The following BBS9 variants were observed in gnomAD, a reference collection of about 807,000 sequenced individuals.
The protein encoded by BBS9 is Bardet-Biedl syndrome 9, also known as protein PTHB1.
BBS9 carries 89 observed loss-of-function variants against 117.7 expected under a neutral mutation model. The ratio of observed to expected loss-of-function variants is 0.76; its 90% confidence interval spans 0.64 to 0.90. The LOEUF (loss-of-function observed/expected upper bound fraction) is 0.90. Ranked by LOEUF, BBS9 falls within the 40% of genes least tolerant of loss-of-function variation. The pLI is 0.00. For missense variants in BBS9, 982 were observed against 1,042.2 expected, an observed-to-expected ratio of 0.94 and a Z score of 0.80; for synonymous variants, 379 against 370.9, an observed-to-expected ratio of 1.02 and a Z score of -0.25.
intron 1 of BBS9, among the ~76,000 whole-genome samples, chr7:33,140,425 T>A (rs1195521216): frequency 6.6e-6 from 1 of 152,192 alleles, no homozygotes; most frequent in East Asian, 1.9e-4. Context: ...CTTTCCTGAT[T>A]ATGCTTTTCA....
intron 15 of BBS9, among the ~76,000 whole-genome samples, chr7:33,356,237 T>G (rs1425260225): frequency 6.6e-6 from 1 of 151,864 alleles, no homozygotes; most frequent in African/African-American, 2.4e-5. Flanking sequence ...ATTTCCATAA[T>G]TTGAGGATAT....
chr7:33,301,216 T>C (rs746861425), intron 9 of BBS9, among the ~76,000 whole-genome samples: 1 of 152,008 alleles, frequency 6.6e-6, no homozygotes, highest in Non-Finnish European at 1.5e-5. Flanking sequence ...AAATGGGATA[T>C]CTACATTAGG....
At chr7:33,611,688 AATTAAT>A (rs981393371) in intron 21 of BBS9, among the ~76,000 whole-genome samples, 1,867 of 132,980 alleles carry the variant, frequency 0.014, 44 homozygotes, top group African/African-American at 0.048. Flanking sequence ...CTTAATTAAT[AATTAAT>A]ATTAATATAT....
intron 12 of BBS9, among the ~76,000 whole-genome samples, chr7:33,348,150 T>C (rs551774160): frequency 6.6e-6 from 1 of 152,280 alleles, no homozygotes; most frequent in East Asian, 1.9e-4. Flanking sequence ...TTAGCTGCCA[T>C]TCCCCATCTC....
At chr7:33,280,539 C>T (rs923781924) in intron 9 of BBS9, among the ~76,000 whole-genome samples, 3 of 152,212 alleles carry the variant, frequency 2.0e-5, no homozygotes, top group African/African-American at 7.2e-5. Flanking sequence ...TCTCCCTCTT[C>T]TCTGAATTTC....
At chr7:33,149,176 A>G (rs1792906724) in intron 2 of BBS9, among the ~76,000 whole-genome samples, 2 of 152,198 alleles carry the variant, frequency 1.3e-5, no homozygotes, top group Non-Finnish European at 2.9e-5. Context: ...GCTTTCATTG[A>G]TGGAGCAGGG....
At chr7:33,461,240 A>C (rs1046071268) in intron 19 of BBS9, among the ~76,000 whole-genome samples, 1 of 151,978 alleles carries the variant, frequency 6.6e-6, no homozygotes, top group African/African-American at 2.4e-5. Context: ...TTTTGGGTAT[A>C]TACCTAGAAG....
In BBS9 at chr7:33,533,833, C is replaced by T. The variant is rs936308491; in HGVS notation, c.2299-121C>T. On this transcript the variant is annotated intron_variant, in intron 20 of 22. Transcript: ENST00000242067. ...GCCTAGTCTGGAATATTCCAGATAC[C>T]ACACTCTTCACAGGTTCCCAACACT... The T allele has an allele frequency of 2.6e-6, 3 of 1,176,436 alleles. No individual in the cohort carries two copies. The African/African-American group carries it at 4.5e-5, about 18-fold the overall frequency. The allele number at this position is 1,176,436 out of a possible 1,614,324, so 72.9% of individuals were successfully genotyped here. A position where few individuals can be genotyped will look rare whatever the true frequency, so the allele number is the denominator to read the frequency against.
At chr7:33,485,308 G>GTTTTT (rs371550940) in intron 19 of BBS9, among the ~76,000 whole-genome samples, 3 of 127,174 alleles carry the variant, frequency 2.4e-5, no homozygotes, top group African/African-American at 5.7e-5. Flanking sequence ...TAACATAAAA[G>GTTTTT]TTTTTTTTTT....
chr7:33,424,064 A>G, intron 19 of BBS9, among the ~76,000 whole-genome samples: 1 of 152,208 alleles, frequency 6.6e-6, no homozygotes, highest in Non-Finnish European at 1.5e-5. Flanking sequence ...CTTGACATTA[A>G]CTAATGATGA....
intron 16 of BBS9, 80 bp from the exon 17 acceptor site, chr7:33,367,687 C>A (rs1346258548): frequency 4.4e-6 from 5 of 1,139,554 alleles, no homozygotes; most frequent in Non-Finnish European, 6.7e-6. Flanking sequence ...AAACACGCAT[C>A]ATTCAACTAA....
intron 19 of BBS9, among the ~76,000 whole-genome samples, chr7:33,488,851 A>C (rs150511847): frequency 5.8e-4 from 88 of 152,304 alleles, no homozygotes; most frequent in African/African-American, 2.0e-3. Context: ...TCCAGAGGAA[A>C]GAAATTCACC....
At chr7:33,536,659 A>G (rs1851414925) in intron 21 of BBS9, among the ~76,000 whole-genome samples, 1 of 6,328 alleles carries the variant, frequency 1.6e-4, no homozygotes. Flanking sequence ...CCTCCTGTGT[A>G]AGCTGTTCTG....
At chr7:33,225,184 T>C (rs1791001674) in intron 5 of BBS9, among the ~76,000 whole-genome samples, 1 of 152,150 alleles carries the variant, frequency 6.6e-6, no homozygotes, top group South Asian at 2.1e-4. Flanking sequence ...TTTATTGATA[T>C]TATTGTTATT....
intron 19 of BBS9, among the ~76,000 whole-genome samples, chr7:33,423,163 T>C (rs942505070): frequency 1.3e-5 from 2 of 152,104 alleles, no homozygotes; most frequent in African/African-American, 4.8e-5. Flanking sequence ...AGCTACCTGC[T>C]GAGGGGCTGA....
At chr7:33,318,770 G>C (rs967954276) in intron 9 of BBS9, among the ~76,000 whole-genome samples, 1 of 152,066 alleles carries the variant, frequency 6.6e-6, no homozygotes, top group African/African-American at 2.4e-5. Context: ...AAAGTCCATT[G>C]TATCATTCTT....
At chr7:33,324,713 CCTT>C (rs1812489708) in intron 9 of BBS9, among the ~76,000 whole-genome samples, 1 of 151,602 alleles carries the variant, frequency 6.6e-6, no homozygotes, top group Non-Finnish European at 1.5e-5. Flanking sequence ...CTTTATTTCT[CCTT>C]CACGTTTGAT....
At chr7:33,545,745 T>C (rs1490180578) in intron 21 of BBS9, among the ~76,000 whole-genome samples, 2 of 152,124 alleles carry the variant, frequency 1.3e-5, no homozygotes, top group Non-Finnish European at 2.9e-5. Flanking sequence ...ATTAATAATC[T>C]AACCATTCTG....
At chr7:33,586,823 C>T (rs1198674597) in intron 21 of BBS9, among the ~76,000 whole-genome samples, 1 of 152,040 alleles carries the variant, frequency 6.6e-6, no homozygotes, top group African/African-American at 2.4e-5. Context: ...CACATGTTCT[C>T]ACTTATGAGT....
Sources: gnomAD v4.1 joint callset for allele counts (sites outside exome capture counted in the v4.1 genomes callset) on GRCh38, gnomAD v4.1.1 for gene constraint, MANE v1.5 for transcripts, NCBI Gene and HGNC (gene_info 2026-07-23, HGNC 2026-07-21) for gene names.